AKT3: variants seen among roughly 807,000 people sequenced by gnomAD.
The protein encoded by AKT3 is RAC-gamma serine/threonine-protein kinase.
Under a neutral mutation model 65.3 loss-of-function variants are expected in AKT3, and 15 were observed. The observed-to-expected ratio is 0.23, with a 90% CI of 0.15 to 0.35. The LOEUF (loss-of-function observed/expected upper bound fraction) is 0.35, where lower values mean the gene tolerates loss of function less well. Among genes scored for constraint, AKT3 ranks in the 10% least tolerant of loss-of-function variants. The pLI, the probability that AKT3 is intolerant of heterozygous loss-of-function variation, is 1.00. For synonymous variants in AKT3, 206 were observed against 183.8 expected, an observed-to-expected ratio of 1.12 and a Z score of -0.98; for missense variants, 243 against 576.5, an observed-to-expected ratio of 0.42 and a Z score of 5.92.
At chr1:243,833,752 A>T (rs1419648718) in intron 2 of AKT3, among the ~76,000 whole-genome samples, 1 of 149,276 alleles carries the variant, frequency 6.7e-6, no homozygotes, top group Non-Finnish European at 1.5e-5. Flanking sequence ...TATACAATTT[A>T]AAAAATCCTT....
intron 8 of AKT3, among the ~76,000 whole-genome samples, chr1:243,580,720 C>T (rs56003064): frequency 1.3e-5 from 2 of 152,184 alleles, no homozygotes; most frequent in Non-Finnish European, 2.9e-5. Flanking sequence ...GGAACAGATT[C>T]GCATGTGCCA....
chr1:243,589,306 C>CAAAAAAAAAAAAAAAAAAAAAAAAAAAA (rs758254217), intron 8 of AKT3, among the ~76,000 whole-genome samples: 2 of 40,874 alleles, frequency 4.9e-5, no homozygotes, highest in Non-Finnish European at 9.9e-5. Context: ...AACTCCATCT[C>CAAAAAAAAAAAAAAAAAAAAAAAAAAAA]AAAAAAAAAA....
rs2148044711 is a variant in AKT3 at position 243,701,462 on chromosome 1, T to C, written c.47-5746A>G. On this transcript the variant is annotated intron_variant, in intron 2 of 13. Transcript: ENST00000673466. ...TACCTTCAACTGTCATGGACTATGC[T>C]AAAAACACAATCGGGTAGATTCACT... 1.3e-5 allele frequency among the ~76,000 whole-genome samples: 2 copies of C among 151,730 alleles called. 1 individual carries two copies. The highest frequency in any genetic ancestry group is 4.1e-4 in the South Asian group (2 of 4,828).
intron 2 of AKT3, among the ~76,000 whole-genome samples, chr1:243,815,862 C>T (rs1362706522): frequency 1.3e-5 from 2 of 151,922 alleles, no homozygotes; most frequent in Non-Finnish European, 2.9e-5. Flanking sequence ...AGTGATCCAC[C>T]CACCTCAGCC....
chr1:243,641,515 T>C (rs1164709105), intron 5 of AKT3, among the ~76,000 whole-genome samples: 2 of 151,976 alleles, frequency 1.3e-5, no homozygotes, highest in Non-Finnish European at 2.9e-5. Context: ...TTATTAAATA[T>C]CATAGAAAAT....
At chr1:243,521,088 T>C (rs930904391) in intron 12 of AKT3, among the ~76,000 whole-genome samples, 1 of 152,224 alleles carries the variant, frequency 6.6e-6, no homozygotes, top group Admixed American at 6.5e-5. Flanking sequence ...ATCTATATTC[T>C]TTCTTCTATT....
rs746704800 is a variant in AKT3, at chr1:243,505,245, AG to A, written c.*3del. 1.9e-6 allele frequency: 3 copies of A among 1,611,176 alleles called. No homozygotes were observed. In the East Asian group the frequency reaches 6.7e-5, roughly 36 times the overall value. ...TGACAGTGAAGTAGCAGAATGAAAG[AG>A]ACTTATTCTCGTCCACTTGCAGAGT... On this transcript the variant is annotated 3_prime_UTR_variant, in exon 14 of 14. Coordinates refer to ENST00000673466, the MANE Select transcript of AKT3 (RefSeq NM_005465.7).
intron 2 of AKT3, among the ~76,000 whole-genome samples, chr1:243,713,617 C>T (rs1686293848): frequency 6.6e-6 from 1 of 151,922 alleles, no homozygotes; most frequent in Admixed American, 6.6e-5. Context: ...AGTCAACAAT[C>T]GGCATCAACA....
At chr1:243,552,231 G>C (rs1346948326) in intron 11 of AKT3, among the ~76,000 whole-genome samples, 2 of 126,174 alleles carry the variant, frequency 1.6e-5, no homozygotes, top group Admixed American at 1.1e-4. Context: ...AGAGGTTGCA[G>C]TGAGTCAAGA....
chr1:243,613,122 TAC>T (rs1225326931), intron 8 of AKT3: 1 of 145,736 alleles, frequency 6.9e-6, no homozygotes, highest in Non-Finnish European at 1.5e-5. Flanking sequence ...CCCATATATA[TAC>T]ATATACATAT....
intron 2 of AKT3, among the ~76,000 whole-genome samples, chr1:243,725,783 C>T (rs1046252588): frequency 2.6e-5 from 4 of 152,184 alleles, no homozygotes; most frequent in East Asian, 3.9e-4. Context: ...TATATAATTT[C>T]GACGATTTAA....
intron 11 of AKT3, among the ~76,000 whole-genome samples, chr1:243,547,584 T>C (rs1010642962): frequency 6.6e-6 from 1 of 152,220 alleles, no homozygotes; most frequent in Non-Finnish European, 1.5e-5. Context: ...TTTATCTGGA[T>C]GCAATTCCAT....
Position 243,563,653 on chromosome 1 carries a change from C to T in AKT3, c.948+67G>A, listed in dbSNP as rs533234883. On this transcript the variant is annotated intron_variant, in intron 10 of 13. Coordinates refer to ENST00000673466, the MANE Select transcript of AKT3 (RefSeq NM_005465.7). ...TAGATACTACAGTTAACTTTTAATGCTTAAATGGTTTACTTTGCAAATCAT... is the reference window on the plus strand; with the variant it reads ...TAGATACTACAGTTAACTTTTAATGTTTAAATGGTTTACTTTGCAAATCAT... The T allele has an allele frequency of 4.6e-6, 7 of 1,518,122 alleles. No individual in the cohort carries two copies. The East Asian group carries it at 1.4e-4, about 30-fold the overall frequency. 94.0% of individuals were successfully genotyped at this position (1,518,122 alleles called of 1,614,324 possible). A position where few individuals can be genotyped will look rare whatever the true frequency, so the allele number is the denominator to read the frequency against.
At chr1:243,535,863 T>A (rs1671890544) in intron 12 of AKT3, among the ~76,000 whole-genome samples, 1 of 152,208 alleles carries the variant, frequency 6.6e-6, no homozygotes, top group African/African-American at 2.4e-5. Context: ...ATTCCCTTTT[T>A]ACCGCATCTA....
intron 2 of AKT3, among the ~76,000 whole-genome samples, chr1:243,779,141 T>G (rs180747463): frequency 1.3e-5 from 2 of 152,256 alleles, no homozygotes; most frequent in Admixed American, 1.3e-4. Context: ...GTTAACAAAC[T>G]TTTTGGATTA....
intron 10 of AKT3, among the ~76,000 whole-genome samples, chr1:243,561,900 G>A (rs1211076181): frequency 1.3e-5 from 2 of 152,150 alleles, no homozygotes; most frequent in Non-Finnish European, 2.9e-5. Flanking sequence ...TAATGTAAAG[G>A]TGTGGTCTCT....
intron 12 of AKT3, 139 bp from the exon 13 acceptor site, chr1:243,512,565 G>A: frequency 1.7e-6 from 1 of 587,844 alleles, no homozygotes; most frequent in South Asian, 2.3e-5. Context: ...AGGGAGACAT[G>A]ATATTTGGCT....
chr1:243,619,311 G>T (rs1225353110), intron 6 of AKT3, among the ~76,000 whole-genome samples: 4 of 152,084 alleles, frequency 2.6e-5, no homozygotes, highest in Non-Finnish European at 4.4e-5. Flanking sequence ...CCAAATTAGG[G>T]TAATGGGGAT....
intron 8 of AKT3, among the ~76,000 whole-genome samples, chr1:243,596,225 C>T (rs989561676): frequency 2.0e-5 from 3 of 151,970 alleles, no homozygotes; most frequent in Non-Finnish European, 4.4e-5. Flanking sequence ...AAGTGAAAAC[C>T]ATAAAAGGCA....
Sources: gnomAD v4.1 joint callset for allele counts (sites outside exome capture counted in the v4.1 genomes callset) on GRCh38, gnomAD v4.1.1 for gene constraint, MANE v1.5 for transcripts, NCBI Gene and HGNC (gene_info 2026-07-23, HGNC 2026-07-21) for gene names.